DNAH7: variants seen among roughly 807,000 people sequenced by gnomAD.
DNAH7 encodes dynein axonemal heavy chain 7, also known as axonemal beta dynein heavy chain 7.
In DNAH7, 397 loss-of-function variants were observed where a neutral mutation model predicts 444.6. The observed-to-expected ratio is 0.89, with a 90% CI of 0.82 to 0.97. The LOEUF (loss-of-function observed/expected upper bound fraction) is 0.97, where lower values mean the gene tolerates loss of function less well. Ranked by LOEUF, DNAH7 falls within the 50% of genes least tolerant of loss-of-function variation. The probability of loss-of-function intolerance (pLI) is 0.00; values close to 1 mark genes in which losing one functional copy is unlikely to be tolerated. For synonymous variants in DNAH7, 1,636 were observed against 1,624.4 expected (o/e 1.01, Z -0.17); for missense variants, 4,902 against 4,800.8 (o/e 1.02, Z -0.62).
chr2:195,810,594 A>G (rs1220751719), intron 51 of DNAH7, among the ~76,000 whole-genome samples: 1 of 149,026 alleles, frequency 6.7e-6, no homozygotes, highest in Non-Finnish European at 1.5e-5. Flanking sequence ...GCAATGTCCT[A>G]ACTGATATTC....
At position 195,974,079 on chromosome 2, in the gene DNAH7, G is replaced by C. The variant is rs552194550; in HGVS notation, c.1834-1613C>G. On this transcript the variant is annotated intron_variant, in intron 15 of 64. Coordinates refer to ENST00000312428, the MANE Select transcript of DNAH7 (RefSeq NM_018897.3). ...GTGACAGAATGAGACTCCATTTCAAGAAAGAAGGGGAAGGGGAAGGGAAGA... is the reference window on the plus strand; with the variant it reads ...GTGACAGAATGAGACTCCATTTCAACAAAGAAGGGGAAGGGGAAGGGAAGA... Among the ~76,000 whole-genome samples the C allele has an allele frequency of 3.7e-4, 57 of 152,026 alleles. 1 individual carries two copies. The highest frequency in any genetic ancestry group is 3.4e-3 in the Middle Eastern group (1 of 294).
chr2:195,756,339 A>AAGGG, intron 61 of DNAH7, 54 bp from the exon 62 acceptor site: 2 of 1,421,134 alleles, frequency 1.4e-6, no homozygotes, highest in Non-Finnish European at 1.9e-6. Context: ...GATAGATTAT[A>AAGGG]AGCAACCACC....
intron 58 of DNAH7, among the ~76,000 whole-genome samples, chr2:195,778,677 CACACATATATATACACATATATATAT>C (rs1413109703): frequency 3.9e-5 from 3 of 76,958 alleles, no homozygotes; most frequent in East Asian, 6.7e-4. Context: ...TATACACACA[CACACATATATATACACATATATATAT>C]ACACATATAT....
chr2:195,864,079 T>C (rs1700175255), intron 41 of DNAH7, 70 bp downstream of exon 41: 2 of 1,505,750 alleles, frequency 1.3e-6, no homozygotes, highest in East Asian at 2.3e-5. Flanking sequence ...TGGGAATCTA[T>C]AAAATAAGTC....
At chr2:195,825,848 G>C (rs1436077000) in intron 48 of DNAH7, among the ~76,000 whole-genome samples, 1 of 152,144 alleles carries the variant, frequency 6.6e-6, no homozygotes, top group Non-Finnish European at 1.5e-5. Context: ...TGAAAGTGCA[G>C]ACATATTTTC....
chr2:196,019,356 C>T (rs1193171516), intron 8 of DNAH7, 61 bp from the exon 9 acceptor site: 6 of 1,289,144 alleles, frequency 4.7e-6, no homozygotes, highest in Admixed American at 2.6e-5. Context: ...AGTAACTGTA[C>T]ATTTTGGGTA....
At position 195,808,738 on chromosome 2, in the gene DNAH7, T is replaced by G; in HGVS notation, c.10027A>C (p.Ile3343Leu). 1.2e-6 allele frequency: 2 copies of G among 1,614,066 alleles called. No individual in the cohort carries two copies. The highest frequency in any genetic ancestry group is 1.7e-6 in the Non-Finnish European group (2 of 1,179,956). Residue 3343 changes from isoleucine to leucine, a missense_variant, in exon 53 of 65, where the codon ATT becomes CTT. Coordinates refer to ENST00000312428, the MANE Select transcript of DNAH7 (RefSeq NM_018897.3). Reference sequence around the variant, plus strand: ...TTTAAGCGCATAAACTCTCTACGAATGGTTTTGAAGGCAGGCAAATCATCT... The same window carrying G: ...TTTAAGCGCATAAACTCTCTACGAAGGGTTTTGAAGGCAGGCAAATCATCT... ...RLDDLPAFKT[I>L]RREFMRLKDG...
Position 196,047,429 on chromosome 2 carries a change from T to C in DNAH7, c.321A>G (p.Pro107=), listed in dbSNP as rs778862313. 2 of 1,605,910 alleles carry C rather than the reference T, an allele frequency of 1.2e-6. No individual in the cohort carries two copies. The highest frequency in any genetic ancestry group is 1.7e-5 in the Admixed American group (1 of 59,608). The change falls in exon 5 of 65, where the codon CCA becomes CCG. Residue 107 remains proline (P), a synonymous_variant. Coordinates refer to ENST00000312428, the MANE Select transcript of DNAH7 (RefSeq NM_018897.3). The part of the protein sequence containing the change: ...PHQVDDSYVG[P]STSKSKGKSP... Reference sequence around the variant, plus strand: ...ATTTGCCCTTTGATTTGGAAGTAGATGGTCCAACATAACTATCATCAACTT... The same window carrying C: ...ATTTGCCCTTTGATTTGGAAGTAGACGGTCCAACATAACTATCATCAACTT...
At chr2:195,956,890 CAT>C (rs550183284) in intron 19 of DNAH7, among the ~76,000 whole-genome samples, 219 of 152,216 alleles carry the variant, frequency 1.4e-3, no homozygotes, top group Middle Eastern at 3.4e-3. Flanking sequence ...GGCATACTGA[CAT>C]GTGTGCACCA....
chr2:195,744,370 C>A (rs1266416969), intron 63 of DNAH7, among the ~76,000 whole-genome samples: 1 of 152,226 alleles, frequency 6.6e-6, no homozygotes, highest in Non-Finnish European at 1.5e-5. Context: ...GAAGCTTGAA[C>A]TGGGTGGAGC....
chr2:195,981,646 C>T (rs1040015186), intron 15 of DNAH7, among the ~76,000 whole-genome samples: 12 of 152,066 alleles, frequency 7.9e-5, no homozygotes, highest in African/African-American at 2.9e-4. Flanking sequence ...ATGGAGAACA[C>T]AGAAACCAAT....
rs1692713383 is a variant in DNAH7, at chr2:195,737,720, T to C, written c.*201A>G. 1 of 376,640 alleles carries C rather than the reference T, an allele frequency of 2.7e-6. No homozygotes were observed. Among genetic ancestry groups the C allele is most frequent in the Non-Finnish European group, 4.9e-6 (1 of 203,186 alleles). The allele number at this position is 376,640 out of a possible 1,614,324, so 23.3% of individuals were successfully genotyped here. On this transcript the variant is annotated 3_prime_UTR_variant, in exon 65 of 65. Coordinates refer to ENST00000312428, the MANE Select transcript of DNAH7 (RefSeq NM_018897.3). ...AGCAAATATGCCAGTGTGTTTTCTT[T>C]AGTCTTTATTTCAGAACATTTCCTT...
At chr2:195,916,184 T>C (rs1687661842) in intron 24 of DNAH7, among the ~76,000 whole-genome samples, 1 of 152,174 alleles carries the variant, frequency 6.6e-6, no homozygotes. Flanking sequence ...CTATACAACT[T>C]CTATAAGACA....
At chr2:195,803,581 T>G (rs1352310934) in intron 54 of DNAH7, among the ~76,000 whole-genome samples, 1 of 152,222 alleles carries the variant, frequency 6.6e-6, no homozygotes, top group African/African-American at 2.4e-5. Flanking sequence ...AGCGTTAGGT[T>G]TGTAAAATGA....
rs925380898 is a variant in DNAH7, at chr2:195,954,545, T to C, written c.3078+2716A>G. Among the ~76,000 whole-genome samples, 84 of 152,320 alleles carry C rather than the reference T, an allele frequency of 5.5e-4. 1 individual carries two copies. Among genetic ancestry groups the C allele is most frequent in the Non-Finnish European group, 2.8e-4 (19 of 68,030 alleles). ...TATAATCCTTTGGGTATATACCCAG[T>C]AATGGGATGGCTGGGTCAAATGGTA... is the stretch of plus-strand genomic sequence containing the variant. On this transcript the variant is annotated intron_variant, in intron 19 of 64. Coordinates refer to ENST00000312428, the MANE Select transcript of DNAH7 (RefSeq NM_018897.3).
chr2:195,833,462 T>C (rs1698170084), intron 48 of DNAH7, among the ~76,000 whole-genome samples: 1 of 152,212 alleles, frequency 6.6e-6, no homozygotes, highest in Non-Finnish European at 1.5e-5. Flanking sequence ...TTAGGTCTAA[T>C]AACAAGTGAG....
intron 27 of DNAH7, chr2:195,904,593 ACACTGGTAG>A (rs532841711): frequency 5.2e-4 from 79 of 152,310 alleles, no homozygotes; most frequent in Middle Eastern, 3.4e-3. Context: ...TTGATAGATA[ACACTGGTAG>A]CACTGTGATG....
At chr2:195,845,187 A>C (rs1463362456) in intron 46 of DNAH7, 22 bp from the exon 47 acceptor site, 6 of 1,591,292 alleles carry the variant, frequency 3.8e-6, no homozygotes, top group Non-Finnish European at 5.1e-6. Flanking sequence ...CCACAGAAAG[A>C]TAAAGAAATG....
Position 195,900,355 on chromosome 2 carries a change from A to G in DNAH7, c.4475T>C (p.Leu1492Pro). ...VATYRLCSEQLSSQHHYDYGM... is the reference protein window; with the variant it reads ...VATYRLCSEQPSSQHHYDYGM... ...ATAGTCGTAGTGATGTTGAGATGACAGCTGCTCTGAACACAAGCGATACGT... is the reference window on the plus strand; with the variant it reads ...ATAGTCGTAGTGATGTTGAGATGACGGCTGCTCTGAACACAAGCGATACGT... Residue 1492 changes from leucine (L) to proline (P), a missense_variant, in exon 28 of 65, where the codon CTG (leucine) becomes CCG (proline). Physicochemically the swap from Leu to Pro is moderately conservative, Grantham distance 98. Transcript: ENST00000312428. The G allele has an allele frequency of 1.2e-6, 2 of 1,613,964 alleles. No individual in the cohort carries two copies. Among genetic ancestry groups the G allele is most frequent in the African/African-American group, 1.3e-5 (1 of 74,922 alleles).
Sources: allele counts gnomAD v4.1 joint callset (sites outside exome capture counted in the v4.1 genomes callset), GRCh38; gene constraint gnomAD v4.1.1; transcripts MANE v1.5; gene names NCBI Gene and HGNC (gene_info 2026-07-23, HGNC 2026-07-21).